LRRTM3: variants seen among roughly 807,000 people sequenced by gnomAD.
The protein encoded by LRRTM3 is leucine rich repeat transmembrane neuronal 3, also known as leucine-rich repeat transmembrane neuronal protein 3.
A neutral mutation model predicts 44.7 loss-of-function variants in LRRTM3; 24 were observed. The observed-to-expected ratio is 0.54, with a 90% confidence interval of 0.39 to 0.76. LRRTM3 has a LOEUF of 0.76. Among genes scored for constraint, LRRTM3 ranks in the 30% least tolerant of loss-of-function variants. The pLI is 0.00. For missense variants in LRRTM3, 587 were observed against 702.2 expected (o/e 0.84, Z 1.85); for synonymous variants, 277 against 278.7 (o/e 0.99, Z 0.06).
At chr10:67,095,855 C>A (rs1857958302) in intron 2 of LRRTM3, among the ~76,000 whole-genome samples, 1 of 151,834 alleles carries the variant, frequency 6.6e-6, no homozygotes, top group Non-Finnish European at 1.5e-5. Context: ...ATTCATGCTG[C>A]ACATTTACTT....
At chr10:66,943,117 A>G (rs1215781622) in intron 2 of LRRTM3, among the ~76,000 whole-genome samples, 1 of 152,222 alleles carries the variant, frequency 6.6e-6, no homozygotes, top group Admixed American at 6.5e-5. Context: ...GATTTTCTCA[A>G]GAGACAAATT....
intron 2 of LRRTM3, among the ~76,000 whole-genome samples, chr10:66,935,728 T>C (rs1589448883): frequency 1.3e-5 from 2 of 152,018 alleles, no homozygotes; most frequent in East Asian, 3.8e-4. Context: ...GGAATTTGTA[T>C]ATATTATCTA....
At chr10:67,003,930 A>T (rs968089091) in intron 2 of LRRTM3, among the ~76,000 whole-genome samples, 10 of 152,184 alleles carry the variant, frequency 6.6e-5, no homozygotes, top group Non-Finnish European at 1.0e-4. Flanking sequence ...CATGTTTTTT[A>T]TTGCATGAGT....
At chr10:66,972,689 C>G (rs1849788910) in intron 2 of LRRTM3, among the ~76,000 whole-genome samples, 2 of 140,698 alleles carry the variant, frequency 1.4e-5, no homozygotes, top group African/African-American at 5.2e-5. Context: ...TTTAAAGGTT[C>G]TGTCAAATAG....
At chr10:67,095,926 T>A (rs1451298343) in intron 2 of LRRTM3, among the ~76,000 whole-genome samples, 4 of 151,872 alleles carry the variant, frequency 2.6e-5, no homozygotes, top group African/African-American at 9.7e-5. Context: ...AGATTCTTAT[T>A]TATTTTAAAT....
At chr10:66,933,788 TTCA>T (rs1847540504) in intron 2 of LRRTM3, among the ~76,000 whole-genome samples, 3 of 152,330 alleles carry the variant, frequency 2.0e-5, no homozygotes, top group African/African-American at 4.8e-5. Flanking sequence ...ACATCATTAA[TTCA>T]TCAAAGAATG....
chr10:67,098,907 G>T lies in LRRTM3; in HGVS notation c.*1111G>T, dbSNP rs1037983500. On this transcript the variant is annotated 3_prime_UTR_variant, in exon 3 of 3. Coordinates refer to ENST00000361320, the MANE Select transcript of LRRTM3 (RefSeq NM_178011.5). ...CTTTTTATTTAGAACTGTGAGACCGGTATTTTGGAAACATTTCAAAGGAAA... is the reference window on the plus strand; with the variant it reads ...CTTTTTATTTAGAACTGTGAGACCGTTATTTTGGAAACATTTCAAAGGAAA... The T allele has an allele frequency of 6.6e-6, 1 of 151,814 alleles. No individual in the cohort carries two copies. The highest frequency in any genetic ancestry group is 1.5e-5 in the Non-Finnish European group (1 of 67,878). 9.4% of individuals were successfully genotyped at this position (151,814 alleles called of 1,614,324 possible).
At chr10:66,948,111 A>T (rs910102896) in intron 2 of LRRTM3, among the ~76,000 whole-genome samples, 2 of 152,212 alleles carry the variant, frequency 1.3e-5, no homozygotes, top group Non-Finnish European at 2.9e-5. Flanking sequence ...TTGTGGGATC[A>T]CCATCATATA....
chr10:67,043,155 GT>G (rs1854513618), intron 2 of LRRTM3, among the ~76,000 whole-genome samples: 1 of 121,766 alleles, frequency 8.2e-6, no homozygotes, highest in Non-Finnish European at 1.7e-5. Context: ...TTTTTTTTCT[GT>G]GCAATAAGAT....
chr10:66,955,527 G>C (rs891998211), intron 2 of LRRTM3, among the ~76,000 whole-genome samples: 4 of 152,118 alleles, frequency 2.6e-5, no homozygotes, highest in Non-Finnish European at 5.9e-5. Context: ...TATCTGTTTG[G>C]CTCCAAAGCC....
At chr10:66,939,351 A>G (rs1308650605) in intron 2 of LRRTM3, among the ~76,000 whole-genome samples, 1 of 151,742 alleles carries the variant, frequency 6.6e-6, no homozygotes, top group Non-Finnish European at 1.5e-5. Context: ...TTTTCTTTCT[A>G]TCCAACTTTT....
intron 2 of LRRTM3, among the ~76,000 whole-genome samples, chr10:67,056,069 G>T (rs1313796877): frequency 1.3e-5 from 2 of 152,154 alleles, no homozygotes; most frequent in East Asian, 3.9e-4. Context: ...TGCTTGTAAA[G>T]TATTGGAAAG....
At position 67,097,583 on chromosome 10, in the gene LRRTM3, C is replaced by T; in HGVS notation, c.1537-4C>T. On this transcript the variant is annotated splice_region_variant and splice_polypyrimidine_tract_variant and intron_variant, in intron 2 of 2. Coordinates refer to ENST00000361320, the MANE Select transcript of LRRTM3 (RefSeq NM_178011.5). ...CTGACTTTTCTCATGTCATTTTTCC[C>T]CAGATACCTTTATCAATGAATGTGT... The T allele has an allele frequency of 6.2e-7, 1 of 1,611,386 alleles. No homozygotes were observed. Among genetic ancestry groups the T allele is most frequent in the South Asian group, 1.1e-5 (1 of 91,004 alleles).
At chr10:67,068,403 G>A (rs1488914969) in intron 2 of LRRTM3, among the ~76,000 whole-genome samples, 2 of 152,142 alleles carry the variant, frequency 1.3e-5, no homozygotes, top group African/African-American at 2.4e-5. Context: ...GGGGACATTC[G>A]ATGGATCTGT....
At chr10:67,055,574 TA>T (rs1386992420) in intron 2 of LRRTM3, among the ~76,000 whole-genome samples, 2 of 152,158 alleles carry the variant, frequency 1.3e-5, no homozygotes, top group Admixed American at 6.5e-5. Flanking sequence ...TTCTAAGCAA[TA>T]AAAACTTAAC....
At chr10:66,990,050 T>C (rs747024353) in intron 2 of LRRTM3, among the ~76,000 whole-genome samples, 1 of 152,172 alleles carries the variant, frequency 6.6e-6, no homozygotes, top group Non-Finnish European at 1.5e-5. Flanking sequence ...ATAAAACAGA[T>C]GAGAAGCTCA....
intron 2 of LRRTM3, among the ~76,000 whole-genome samples, chr10:67,092,099 C>T (rs551799568): frequency 6.6e-6 from 1 of 151,882 alleles, no homozygotes; most frequent in Non-Finnish European, 1.5e-5. Context: ...AGGACTACAT[C>T]TAAAAAACTG....
intron 2 of LRRTM3, among the ~76,000 whole-genome samples, chr10:67,064,768 T>G (rs1182116909): frequency 1.3e-5 from 2 of 152,198 alleles, no homozygotes; most frequent in African/African-American, 4.8e-5. Flanking sequence ...GTATGGAAGA[T>G]GACAGTAATT....
rs539720457 is a variant in LRRTM3, at chr10:67,041,698, T to C, written c.1537-55889T>C. On this transcript the variant is annotated intron_variant, in intron 2 of 2. Coordinates refer to ENST00000361320, the MANE Select transcript of LRRTM3 (RefSeq NM_178011.5). ...ATTAATACATTCATCAATTCTTTCA[T>C]TCAACTCAATAAAATTGAGTTCTTA... Among the ~76,000 whole-genome samples the C allele has an allele frequency of 2.6e-5, 4 of 152,272 alleles. No individual in the cohort carries two copies. In the South Asian group the frequency reaches 8.3e-4, roughly 32 times the overall value.
Sources: gnomAD v4.1 joint callset for allele counts (sites outside exome capture counted in the v4.1 genomes callset) on GRCh38, gnomAD v4.1.1 for gene constraint, MANE v1.5 for transcripts, NCBI Gene and HGNC (gene_info 2026-07-23, HGNC 2026-07-21) for gene names.